PHTF2: variants seen among roughly 807,000 people sequenced by gnomAD.
PHTF2 encodes the protein putative homeodomain transcription factor 2, also known as protein PHTF2.
In PHTF2, 60 loss-of-function variants were observed where a neutral mutation model predicts 101.2. The observed-to-expected ratio is 0.59, with a 90% CI of 0.48 to 0.73. The LOEUF (loss-of-function observed/expected upper bound fraction) is 0.73, where lower values mean the gene tolerates loss of function less well. PHTF2 is among the 30% of genes least tolerant of loss of function. The probability of loss-of-function intolerance (pLI) is 0.00; values close to 1 mark genes in which losing one functional copy is unlikely to be tolerated. For synonymous variants in PHTF2, 311 were observed against 307.3 expected, an observed-to-expected ratio of 1.01 and a Z score of -0.13; for missense variants, 747 against 908.7, an observed-to-expected ratio of 0.82 and a Z score of 2.29.
intron 3 of PHTF2, among the ~76,000 whole-genome samples, chr7:77,888,510 T>C (rs573510483): frequency 2.5e-4 from 38 of 152,188 alleles, no homozygotes; most frequent in African/African-American, 8.7e-4. Flanking sequence ...ACTGGAGGCA[T>C]TGGGGGAGGG....
intron 1 of PHTF2, 84 bp from the exon 2 acceptor site, chr7:77,840,137 C>CA (rs1743530473): frequency 1.5e-6 from 1 of 687,372 alleles, no homozygotes. Context: ...TGCAAGTAAC[C>CA]AGAGTGCTAT....
chr7:77,827,931 A>G (rs1794809384), intron 1 of PHTF2, among the ~76,000 whole-genome samples: 2 of 152,218 alleles, frequency 1.3e-5, no homozygotes, highest in Non-Finnish European at 2.9e-5. Context: ...GGTGCGAGCC[A>G]CGGAGCCCAG....
Position 77,901,925 on chromosome 7 carries a change from A to G in PHTF2, c.445+5A>G, listed in dbSNP as rs770717100. On this transcript the variant is annotated splice_donor_5th_base_variant and intron_variant, in intron 7 of 19. Transcript: ENST00000416283. The stretch of plus-strand genomic sequence containing the variant: ...TTGTCCTTTATCTTCTTCAAGGTAT[A>G]ATTAAGTGATTTTTGCTTTTACTTT... 6.5e-7 allele frequency: 1 copy of G among 1,544,248 alleles called. No individual in the cohort carries two copies. Among genetic ancestry groups the G allele is most frequent in the Admixed American group, 2.0e-5 (1 of 49,622 alleles).
At chr7:77,873,400 A>T (rs1798678857) in intron 3 of PHTF2, among the ~76,000 whole-genome samples, 1 of 152,150 alleles carries the variant, frequency 6.6e-6, no homozygotes, top group Non-Finnish European at 1.5e-5. Context: ...TAAATTAGAA[A>T]ACTCAAGCAG....
At chr7:77,856,263 T>A (rs745905252) in intron 3 of PHTF2, among the ~76,000 whole-genome samples, 1 of 152,222 alleles carries the variant, frequency 6.6e-6, no homozygotes, top group Non-Finnish European at 1.5e-5. Context: ...TCAATAAATA[T>A]GAAGTACAGT....
intron 5 of PHTF2, among the ~76,000 whole-genome samples, chr7:77,899,815 C>A (rs1801218816): frequency 6.6e-6 from 1 of 152,148 alleles, no homozygotes. Context: ...AAAACCAAAT[C>A]ATCTAAACAC....
chr7:77,851,955 T>G (rs1712211716), intron 2 of PHTF2, among the ~76,000 whole-genome samples: 1 of 152,210 alleles, frequency 6.6e-6, no homozygotes, highest in Non-Finnish European at 1.5e-5. Flanking sequence ...TTCTTCTTCA[T>G]TTCTTCATTG....
chr7:77,936,917 G>A (rs138170364), intron 12 of PHTF2, among the ~76,000 whole-genome samples: 45 of 151,790 alleles, frequency 3.0e-4, no homozygotes, highest in African/African-American at 1.0e-3. Flanking sequence ...GGTAGAGGCC[G>A]GTGGATCACC....
intron 7 of PHTF2, among the ~76,000 whole-genome samples, chr7:77,907,693 T>C (rs752645461): frequency 1.3e-5 from 2 of 152,182 alleles, no homozygotes; most frequent in Non-Finnish European, 2.9e-5. Context: ...TTTTGGGATG[T>C]TTACTTAATC....
chr7:77,886,883 A>G (rs1401362387), intron 3 of PHTF2, among the ~76,000 whole-genome samples: 1 of 151,828 alleles, frequency 6.6e-6, no homozygotes, highest in Non-Finnish European at 1.5e-5. Context: ...TCACCTCTAC[A>G]AGACATAAAA....
At chr7:77,810,728 G>A (rs1793373013) in intron 1 of PHTF2, among the ~76,000 whole-genome samples, 1 of 151,458 alleles carries the variant, frequency 6.6e-6, no homozygotes, top group Non-Finnish European at 1.5e-5. Flanking sequence ...AGTAGAGATG[G>A]GGTTTTGCCA....
chr7:77,835,596 ATT>A (rs1448409609), intron 1 of PHTF2, among the ~76,000 whole-genome samples: 1 of 152,176 alleles, frequency 6.6e-6, no homozygotes, highest in Non-Finnish European at 1.5e-5. Context: ...CATAGGCATT[ATT>A]ATACTGTTGA....
At chr7:77,924,911 G>A (rs1803818716) in intron 11 of PHTF2, among the ~76,000 whole-genome samples, 1 of 152,132 alleles carries the variant, frequency 6.6e-6, no homozygotes, top group Admixed American at 6.6e-5. Context: ...ACTATCTACT[G>A]TATCTGGTTG....
intron 7 of PHTF2, among the ~76,000 whole-genome samples, chr7:77,908,398 C>G (rs1173826043): frequency 1.3e-5 from 2 of 152,128 alleles, no homozygotes; most frequent in African/African-American, 2.4e-5. Flanking sequence ...ATAAGAAGCT[C>G]TTTGTATCTG....
intron 1 of PHTF2, among the ~76,000 whole-genome samples, chr7:77,818,391 G>T (rs899535046): frequency 2.6e-5 from 4 of 152,078 alleles, no homozygotes; most frequent in African/African-American, 9.7e-5. Context: ...GTAGTTCTGG[G>T]TTTTACATTT....
exon 10 of PHTF2, chr7:77,920,380 T>C: frequency 1.2e-6 from 2 of 1,612,864 alleles, no homozygotes; most frequent in Non-Finnish European, 8.5e-7. Context: ...GAAGATGGAA[T>C]ACAAAACCAT....
intron 1 of PHTF2, among the ~76,000 whole-genome samples, chr7:77,808,024 G>T (rs777550043): frequency 6.6e-6 from 1 of 152,036 alleles, no homozygotes; most frequent in African/African-American, 2.4e-5. Flanking sequence ...TTTATTTCTA[G>T]GGTCTTTATT....
chr7:77,952,948 T>C (rs848461), intron 18 of PHTF2, among the ~76,000 whole-genome samples: 63,428 of 152,028 alleles, frequency 0.42, 15,619 homozygotes, highest in East Asian at 0.68. Context: ...CTCTCACTTA[T>C]GCTTTTGATA....
chr7:77,829,028 A>C (rs1794891155), intron 1 of PHTF2, among the ~76,000 whole-genome samples: 1 of 152,030 alleles, frequency 6.6e-6, no homozygotes. Context: ...AAAAAATAAA[A>C]AATATTAGCC....
Sources: gnomAD v4.1 joint callset for allele counts (sites outside exome capture counted in the v4.1 genomes callset) on GRCh38, gnomAD v4.1.1 for gene constraint, MANE v1.5 for transcripts, NCBI Gene and HGNC (gene_info 2026-07-23, HGNC 2026-07-21) for gene names.